The following PCDHGA2 variants were observed in gnomAD, a reference collection of about 807,000 sequenced individuals.
PCDHGA2 encodes the protein protocadherin gamma subfamily A, 2, also known as protocadherin gamma-A2.
In PCDHGA2, 40 loss-of-function variants were observed where a neutral mutation model predicts 59.2. The observed-to-expected ratio is 0.68, with a 90% CI of 0.52 to 0.88. PCDHGA2 has a LOEUF of 0.88. Among genes scored for constraint, PCDHGA2 ranks in the 40% least tolerant of loss-of-function variants. The probability of loss-of-function intolerance (pLI) is 0.00; values close to 1 mark genes in which losing one functional copy is unlikely to be tolerated. For synonymous variants in PCDHGA2, 560 were observed against 526.0 expected (o/e 1.06, Z -0.89); for missense variants, 1,226 against 1,204.0 (o/e 1.02, Z -0.27).
intron 1 of PCDHGA2, chr5:141,404,553 C>T: frequency 6.2e-7 from 1 of 1,613,766 alleles, no homozygotes; most frequent in Non-Finnish European, 8.5e-7. Context: ...CAGGTGACGG[C>T]AAGTGACAGT....
In PCDHGA2 at chr5:141,510,932, CCT is replaced by C. The variant is rs753455267; in HGVS notation, c.2573-12_2573-11del. 6 of 1,613,998 alleles carry C rather than the reference CCT, an allele frequency of 3.7e-6. No homozygotes were observed. The highest frequency in any genetic ancestry group is 1.1e-5 in the South Asian group (1 of 91,082). ...CTAAGTTTAGCTCCCACCTGATCTTCCTCTGTCTCTGCAGAAGCTGCTGATGG... is the reference window on the plus strand; with the variant it reads ...CTAAGTTTAGCTCCCACCTGATCTTCCTGTCTCTGCAGAAGCTGCTGATGG... On this transcript the variant is annotated splice_polypyrimidine_tract_variant and intron_variant, in intron 3 of 3. Coordinates refer to ENST00000394576, the MANE Select transcript of PCDHGA2 (RefSeq NM_018915.4).
intron 1 of PCDHGA2, chr5:141,389,914 C>A (rs754458764): frequency 1.2e-6 from 2 of 1,613,956 alleles, no homozygotes; most frequent in African/African-American, 2.7e-5. Flanking sequence ...ACTGACCGCC[C>A]CGACCCCTCT....
intron 1 of PCDHGA2, chr5:141,399,447 C>CAT: frequency 6.2e-7 from 1 of 1,614,006 alleles, no homozygotes; most frequent in Non-Finnish European, 8.5e-7. Flanking sequence ...ATATCAGAGA[C>CAT]GTCAACGATA....
chr5:141,469,881 G>A (rs922510082), intron 1 of PCDHGA2, among the ~76,000 whole-genome samples: 11 of 152,056 alleles, frequency 7.2e-5, no homozygotes, highest in Admixed American at 3.3e-4. Context: ...CTGTAATCTC[G>A]GCACTTTGGG....
intron 1 of PCDHGA2, among the ~76,000 whole-genome samples, chr5:141,468,824 C>A (rs1288506117): frequency 6.6e-6 from 1 of 152,010 alleles, no homozygotes; most frequent in Non-Finnish European, 1.5e-5. Flanking sequence ...CAAGATCAAG[C>A]CACTGCACTC....
rs183952562 is a variant in PCDHGA2 at position 141,423,399 on chromosome 5, C to A, written c.2425-71408C>A. On this transcript the variant is annotated intron_variant, in intron 1 of 3. Transcript: ENST00000394576. ...GGCTGTGGCGCTGGCATAAGTCACG[C>A]CTGCTGCAGGCTTCTGAAGGCGGGT... 3.5e-5 allele frequency: 56 copies of A among 1,614,150 alleles called. No homozygotes were observed. The East Asian group carries it at 1.1e-3, about 33-fold the overall frequency.
intron 1 of PCDHGA2, chr5:141,371,313 C>G: frequency 6.2e-7 from 1 of 1,613,964 alleles, no homozygotes; most frequent in Non-Finnish European, 8.5e-7. Context: ...TATTGGAGAA[C>G]TGGACTTTGA....
intron 1 of PCDHGA2, chr5:141,394,262 G>A: frequency 6.2e-7 from 1 of 1,613,952 alleles, no homozygotes; most frequent in Non-Finnish European, 8.5e-7. Flanking sequence ...ACAGCCAGGA[G>A]AATGCCCAGG....
chr5:141,356,115 G>T (rs766964072), intron 1 of PCDHGA2: 3 of 1,613,880 alleles, frequency 1.9e-6, no homozygotes, highest in South Asian at 2.2e-5. Context: ...CAATATTGGG[G>T]GGTCTAGATT....
At chr5:141,373,898 A>AT (rs1769937255) in intron 1 of PCDHGA2, 1 of 541,162 alleles carries the variant, frequency 1.8e-6, no homozygotes, top group Non-Finnish European at 3.1e-6. Flanking sequence ...CTCAAGTTAC[A>AT]TCCTCCAACA....
chr5:141,346,727 A>T (rs1757797400), intron 1 of PCDHGA2, among the ~76,000 whole-genome samples: 1 of 152,166 alleles, frequency 6.6e-6, no homozygotes, highest in South Asian at 2.1e-4. Flanking sequence ...GAATTTTCAG[A>T]TCTCTAAGTT....
chr5:141,372,289 T>C (rs1170089924), intron 1 of PCDHGA2: 1 of 1,613,228 alleles, frequency 6.2e-7, no homozygotes, highest in African/African-American at 1.3e-5. Flanking sequence ...GCGCGTACCT[T>C]GGGCGACAGG....
At chr5:141,392,722 A>G in intron 1 of PCDHGA2, 1 of 1,389,524 alleles carries the variant, frequency 7.2e-7, no homozygotes, top group African/African-American at 1.5e-5. Context: ...AGGTTTCCGG[A>G]GGATTGTCAT....
chr5:141,395,063 G>A, intron 1 of PCDHGA2: 3 of 1,614,168 alleles, frequency 1.9e-6, no homozygotes, highest in Non-Finnish European at 2.5e-6. Flanking sequence ...AGGCTTTCCT[G>A]CAGACCTATT....
intron 1 of PCDHGA2, chr5:141,402,918 A>G: frequency 6.4e-7 from 1 of 1,570,054 alleles, no homozygotes; most frequent in Non-Finnish European, 8.6e-7. Context: ...GCGCGCACAG[A>G]GATCCTTTTG....
At chr5:141,437,654 A>C (rs185455660) in intron 1 of PCDHGA2, among the ~76,000 whole-genome samples, 1 of 152,256 alleles carries the variant, frequency 6.6e-6, no homozygotes, top group African/African-American at 2.4e-5. Context: ...GCAAACACAT[A>C]GTTTCGAAGA....
intron 1 of PCDHGA2, chr5:141,365,256 A>G (rs1358600488): frequency 2.5e-6 from 4 of 1,613,864 alleles, no homozygotes; most frequent in Non-Finnish European, 3.4e-6. Context: ...TCACTGGACT[A>G]TGAAGAATCC....
chr5:141,458,509 CTTTGT>C (rs1181745590), intron 1 of PCDHGA2, among the ~76,000 whole-genome samples: 1 of 149,986 alleles, frequency 6.7e-6, no homozygotes, highest in Non-Finnish European at 1.5e-5. Context: ...CTGTTTGACA[CTTTGT>C]TTTTTTTTTT....
In PCDHGA2 at chr5:141,340,887, A is replaced by G. The variant is rs1365157784; in HGVS notation, c.1916A>G (p.Lys639Arg). The G allele has an allele frequency of 5.6e-6, 9 of 1,613,668 alleles. No homozygotes were observed. The East Asian group carries it at 1.8e-4, about 32-fold the overall frequency. Residue 639 changes from lysine (K) to arginine (R), a missense_variant, in exon 1 of 4, where the codon AAG becomes AGG. By Grantham distance (26) the Lys-to-Arg change is conservative (BLOSUM62 2). Coordinates refer to ENST00000394576, the MANE Select transcript of PCDHGA2 (RefSeq NM_018915.4). ...ARALLDRDAL[K>R]QSLVVAIQDH... ...GCCCTGCTGGACAGAGACGCGCTCA[A>G]GCAGAGCCTCGTGGTGGCCATCCAG...
Sources: allele counts gnomAD v4.1 joint callset (sites outside exome capture counted in the v4.1 genomes callset), GRCh38; gene constraint gnomAD v4.1.1; transcripts MANE v1.5; gene names NCBI Gene and HGNC (gene_info 2026-07-23, HGNC 2026-07-21).